TMTC2: variants seen among roughly 807,000 people sequenced by gnomAD.
TMTC2 encodes the protein transmembrane O-mannosyltransferase targeting cadherins 2.
In TMTC2, 43 loss-of-function variants were observed where a neutral mutation model predicts 82.4. The observed-to-expected ratio is 0.52, with a 90% confidence interval of 0.41 to 0.67. TMTC2 has a LOEUF of 0.67. Ranked by LOEUF, TMTC2 falls within the 30% of genes least tolerant of loss-of-function variation. The probability of loss-of-function intolerance (pLI) is 0.00; values close to 1 mark genes in which losing one functional copy is unlikely to be tolerated. For synonymous variants in TMTC2, 408 were observed against 381.9 expected (o/e 1.07, Z -0.80); for missense variants, 919 against 1,012.4 (o/e 0.91, Z 1.25).
chr12:82,957,142 T>C (rs1877659648), intron 4 of TMTC2, among the ~76,000 whole-genome samples: 1 of 151,920 alleles, frequency 6.6e-6, no homozygotes, highest in Non-Finnish European at 1.5e-5. Context: ...ATAAAGCAAA[T>C]CTCACTAAAT....
At chr12:82,721,467 A>C (rs1373948854) in intron 1 of TMTC2, among the ~76,000 whole-genome samples, 3 of 152,310 alleles carry the variant, frequency 2.0e-5, no homozygotes, top group African/African-American at 7.2e-5. Context: ...GAACTACTAA[A>C]ATTAAAAAAT....
Position 82,911,890 on chromosome 12 carries a change from G to A in TMTC2, c.1483+15244G>A, listed in dbSNP as rs138436651. 2.4e-3 allele frequency among the ~76,000 whole-genome samples: 366 copies of A among 152,316 alleles called. 2 individuals are homozygous for A. The highest frequency in any genetic ancestry group is 8.5e-3 in the African/African-American group (353 of 41,568). On this transcript the variant is annotated intron_variant, in intron 3 of 11. Transcript: ENST00000321196. ...CTCCCAAAGTGCTGGGACTACAGGT[G>A]TGAACCACCTCGTCCAGCCCATACT...
chr12:83,088,861 G>A (rs902039471), intron 11 of TMTC2, among the ~76,000 whole-genome samples: 1 of 152,184 alleles, frequency 6.6e-6, no homozygotes, highest in Admixed American at 6.5e-5. Flanking sequence ...GAAAGAGGCT[G>A]ATGAGTCCAG....
chr12:83,105,643 C>T (rs1470056001), intron 11 of TMTC2, among the ~76,000 whole-genome samples: 2 of 152,144 alleles, frequency 1.3e-5, no homozygotes, highest in Non-Finnish European at 2.9e-5. Context: ...GGGATCCATC[C>T]CACGACCCAA....
chr12:82,809,426 A>C (rs573418698), intron 1 of TMTC2, among the ~76,000 whole-genome samples: 1 of 152,204 alleles, frequency 6.6e-6, no homozygotes, highest in South Asian at 2.1e-4. Context: ...TCCTCTGGGT[A>C]CAGTTTTGTA....
intron 1 of TMTC2, among the ~76,000 whole-genome samples, chr12:82,735,969 TCACACACACACA>T (rs148485109): frequency 1.3e-4 from 19 of 145,848 alleles, no homozygotes; most frequent in African/African-American, 2.0e-4. Flanking sequence ...CGAGACTCCG[TCACACACACACA>T]CACACACACA....
chr12:82,789,520 T>C (rs1395750453), intron 1 of TMTC2, among the ~76,000 whole-genome samples: 1 of 152,158 alleles, frequency 6.6e-6, no homozygotes, highest in Admixed American at 6.5e-5. Flanking sequence ...GTATGATTAA[T>C]ATTTATTTGA....
At chr12:82,903,712 C>T (rs1874152341) in intron 3 of TMTC2, among the ~76,000 whole-genome samples, 2 of 152,058 alleles carry the variant, frequency 1.3e-5, no homozygotes, top group Non-Finnish European at 2.9e-5. Flanking sequence ...CGCGCCCCGC[C>T]GATATTTTTA....
At chr12:83,130,767 A>G (rs1565899128) in intron 11 of TMTC2, among the ~76,000 whole-genome samples, 1 of 152,198 alleles carries the variant, frequency 6.6e-6, no homozygotes, top group Non-Finnish European at 1.5e-5. Flanking sequence ...TCTGCTATGT[A>G]TATTTGTTTA....
chr12:83,123,154 G>A (rs1028125302), intron 11 of TMTC2, among the ~76,000 whole-genome samples: 2 of 152,164 alleles, frequency 1.3e-5, no homozygotes, highest in Non-Finnish European at 2.9e-5. Context: ...AAAGTTAAAT[G>A]AACATTCTTG....
At chr12:82,908,773 TA>T (rs757563021) in intron 3 of TMTC2, among the ~76,000 whole-genome samples, 6 of 152,176 alleles carry the variant, frequency 3.9e-5, no homozygotes, top group Admixed American at 1.3e-4. Flanking sequence ...CAAAACTAGC[TA>T]GGCATAATGT....
chr12:83,063,899 G>C (rs1209340502), intron 11 of TMTC2, among the ~76,000 whole-genome samples: 1 of 151,806 alleles, frequency 6.6e-6, no homozygotes, highest in Non-Finnish European at 1.5e-5. Context: ...GCAGGGAACG[G>C]GGTGGCATGC....
intron 1 of TMTC2, among the ~76,000 whole-genome samples, chr12:82,772,731 T>C (rs1877375901): frequency 6.6e-6 from 1 of 152,148 alleles, no homozygotes; most frequent in Non-Finnish European, 1.5e-5. Flanking sequence ...TTCTTTTTTT[T>C]CCCCTGGAAC....
chr12:83,131,805 A>G (rs1592515236), intron 11 of TMTC2, among the ~76,000 whole-genome samples: 1 of 152,298 alleles, frequency 6.6e-6, no homozygotes, highest in African/African-American at 2.4e-5. Context: ...ATAGATATGG[A>G]TTTGTCAACT....
chr12:83,104,328 A>G (rs970822366), intron 11 of TMTC2, among the ~76,000 whole-genome samples: 2 of 151,890 alleles, frequency 1.3e-5, no homozygotes, highest in Admixed American at 1.3e-4. Context: ...CCAACCCAAC[A>G]TTTCCCCTTG....
intron 1 of TMTC2, among the ~76,000 whole-genome samples, chr12:82,728,501 A>G (rs968950345): frequency 1.3e-5 from 2 of 152,104 alleles, no homozygotes; most frequent in African/African-American, 4.8e-5. Context: ...TGGGCAGATC[A>G]CCTGAGGTCA....
Position 82,789,911 on chromosome 12 carries a change from T to C in TMTC2, c.84-67099T>C, listed in dbSNP as rs1045154287. On this transcript the variant is annotated intron_variant, in intron 1 of 11. Coordinates refer to ENST00000321196, the MANE Select transcript of TMTC2 (RefSeq NM_152588.3). ...TTCATTTTACAGAGGAGGAAGCTGC[T>C]CAGTAAAGATGAGTAAGCTATCTGG... Among the ~76,000 whole-genome samples, 4 of 152,116 alleles carry C rather than the reference T, an allele frequency of 2.6e-5. No homozygotes were observed. The South Asian group carries it at 6.2e-4, about 24-fold the overall frequency.
At chr12:82,816,401 A>T (rs947690668) in intron 1 of TMTC2, among the ~76,000 whole-genome samples, 2 of 152,034 alleles carry the variant, frequency 1.3e-5, no homozygotes, top group Non-Finnish European at 2.9e-5. Context: ...CACCCTAGAA[A>T]TGGGCTCCGT....
chr12:82,942,757 G>A (rs1268281743), intron 4 of TMTC2, among the ~76,000 whole-genome samples: 1 of 152,042 alleles, frequency 6.6e-6, no homozygotes, highest in East Asian at 1.9e-4. Flanking sequence ...TGATGACCTG[G>A]ACGTCTGCAG....
Sources: gnomAD v4.1 joint callset for allele counts (sites outside exome capture counted in the v4.1 genomes callset) on GRCh38, gnomAD v4.1.1 for gene constraint, MANE v1.5 for transcripts, NCBI Gene and HGNC (gene_info 2026-07-23, HGNC 2026-07-21) for gene names.